The following DMD variants were observed in gnomAD, a reference collection of about 807,000 sequenced individuals.
DMD encodes dystrophin.
In DMD, 63 loss-of-function variants were observed where a neutral mutation model predicts 330.1. The ratio of observed to expected loss-of-function variants is 0.19; its 90% confidence interval spans 0.16 to 0.24. The LOEUF (loss-of-function observed/expected upper bound fraction) is 0.24. Ranked by LOEUF, DMD falls within the 10% of genes least tolerant of loss-of-function variation. The pLI is 1.00. For missense variants in DMD, 3,344 were observed against 2,684.1 expected (o/e 1.25, Z -5.43); for synonymous variants, 1,223 against 959.8 (o/e 1.27, Z -5.07).
chrX:33,134,447 C>A (rs1335822697), intron 1 of DMD, among the ~76,000 whole-genome samples: 1 of 112,111 alleles, frequency 8.9e-6, no homozygotes, highest in Non-Finnish European at 1.9e-5. Context: ...AGACATACTG[C>A]AGAAGATCCA....
chrX:32,589,604 T>G (rs1053034000), intron 13 of DMD, among the ~76,000 whole-genome samples: 1 of 111,343 alleles, frequency 9.0e-6, no homozygotes, highest in Non-Finnish European at 1.9e-5. Context: ...ATATTTACAT[T>G]TATATCTATA....
intron 17 of DMD, among the ~76,000 whole-genome samples, chrX:32,525,355 G>A (rs1340632700): frequency 9.0e-6 from 1 of 111,192 alleles, no homozygotes; most frequent in Non-Finnish European, 1.9e-5. Flanking sequence ...TCTGCCAGTG[G>A]ATAGCCTCAT....
intron 51 of DMD, among the ~76,000 whole-genome samples, chrX:31,764,016 C>T (rs994595714): frequency 1.8e-5 from 2 of 110,921 alleles, no homozygotes; most frequent in African/African-American, 6.6e-5. Flanking sequence ...GCTAAGGCTA[C>T]AAGCCCACAC....
intron 9 of DMD, among the ~76,000 whole-genome samples, chrX:32,681,535 A>G (rs939823656): frequency 8.9e-6 from 1 of 111,903 alleles, no homozygotes; most frequent in Non-Finnish European, 1.9e-5. Flanking sequence ...AGCAGGGTTT[A>G]TATTGCAGGA....
At chrX:32,225,645 A>G (rs2097145311) in intron 43 of DMD, among the ~76,000 whole-genome samples, 1 of 111,048 alleles carries the variant, frequency 9.0e-6, no homozygotes, top group South Asian at 3.9e-4. Context: ...GTTTAATACC[A>G]TCCTCTTGGT....
chrX:31,601,590 C>A (rs1377856989), intron 55 of DMD, among the ~76,000 whole-genome samples: 2 of 111,553 alleles, frequency 1.8e-5, no homozygotes, highest in Non-Finnish European at 3.8e-5. Flanking sequence ...TTACAAATCT[C>A]CTTTGTCTCT....
chrX:32,341,190 G>C (rs1450161457), intron 41 of DMD, among the ~76,000 whole-genome samples: 2 of 111,651 alleles, frequency 1.8e-5, no homozygotes, highest in Non-Finnish European at 3.8e-5. Context: ...TTGAGTATCT[G>C]TTTGATTCAT....
chrX:32,497,794 C>T (rs2148668130), intron 19 of DMD, among the ~76,000 whole-genome samples: 1 of 111,076 alleles, frequency 9.0e-6, no homozygotes, highest in African/African-American at 3.3e-5. Context: ...CCTAGGTTGT[C>T]CTAAAACTCC....
intron 62 of DMD, among the ~76,000 whole-genome samples, chrX:31,298,769 G>A (rs1047247114): frequency 1.8e-5 from 2 of 111,740 alleles, no homozygotes; most frequent in African/African-American, 6.5e-5. Context: ...GGTCAGACGT[G>A]TACAGCTGGA....
intron 50 of DMD, among the ~76,000 whole-genome samples, chrX:31,806,668 A>G (rs1175598336): frequency 8.9e-6 from 1 of 112,308 alleles, no homozygotes; most frequent in Admixed American, 9.4e-5. Context: ...CTGCCCACGC[A>G]GGTCTATCCA....
intron 37 of DMD, among the ~76,000 whole-genome samples, chrX:32,359,701 C>T (rs763013670): frequency 5.4e-5 from 6 of 110,960 alleles, no homozygotes; most frequent in East Asian, 2.8e-4. Flanking sequence ...AATTTTAGAA[C>T]GAGCAGGGAT....
chrX:32,875,148 G>A (rs1433382157), intron 2 of DMD, among the ~76,000 whole-genome samples: 1 of 112,377 alleles, frequency 8.9e-6, no homozygotes, highest in Non-Finnish European at 1.9e-5. Flanking sequence ...CCTCTGGAAT[G>A]GAGGCTCTGC....
intron 44 of DMD, among the ~76,000 whole-genome samples, chrX:32,057,870 C>A (rs1488711989): frequency 9.0e-6 from 1 of 110,825 alleles, no homozygotes; most frequent in African/African-American, 3.3e-5. Context: ...CAAGAGCGCA[C>A]GATAGTGTCA....
At chrX:32,780,865 G>A (rs1452721315) in intron 7 of DMD, among the ~76,000 whole-genome samples, 1 of 109,151 alleles carries the variant, frequency 9.2e-6, no homozygotes, top group Admixed American at 9.9e-5. Context: ...GCCGAGGCGG[G>A]CAGATCACGA....
intron 45 of DMD, among the ~76,000 whole-genome samples, chrX:31,943,986 C>T (rs1414485056): frequency 2.8e-5 from 3 of 106,423 alleles, no homozygotes; most frequent in Non-Finnish European, 5.8e-5. Context: ...AGGGTATTTC[C>T]GTTTCACTTA....
intron 74 of DMD, among the ~76,000 whole-genome samples, chrX:31,152,533 T>C (rs1013605285): frequency 2.6e-5 from 1 of 38,042 alleles, no homozygotes; most frequent in African/African-American, 1.1e-4. Flanking sequence ...CTAGAATTAA[T>C]TCATCTTTTT....
intron 45 of DMD, among the ~76,000 whole-genome samples, chrX:31,949,622 C>T (rs985165359): frequency 2.7e-5 from 3 of 110,889 alleles, no homozygotes; most frequent in East Asian, 2.8e-4. Context: ...GTGGATGCCT[C>T]GGATTCCTAT....
intron 7 of DMD, among the ~76,000 whole-genome samples, chrX:32,767,435 T>G (rs2073117215): frequency 1.8e-5 from 2 of 111,902 alleles, no homozygotes; most frequent in Admixed American, 9.5e-5. Flanking sequence ...CTTCATTTGT[T>G]AAGACTGTAA....
In DMD at chrX:33,311,127, A is replaced by G. The variant is rs1395769907; in HGVS notation, c.7+28132T>C. Among the ~76,000 whole-genome samples, 3 of 110,280 alleles carry G rather than the reference A, an allele frequency of 2.7e-5. No individual in the cohort carries two copies. In the South Asian group the frequency reaches 1.1e-3, roughly 41 times the overall value. The stretch of plus-strand genomic sequence containing the variant: ...ATAATTCATGCATATATATGCATAT[A>G]TACATACATACTTCATACTGTATAT... On this transcript the variant is annotated intron_variant, in intron 1 of 17. Coordinates refer to the DMD transcript ENST00000288447.
Sources: allele counts gnomAD v4.1 joint callset (sites outside exome capture counted in the v4.1 genomes callset), GRCh38; gene constraint gnomAD v4.1.1; transcripts MANE v1.5; gene names NCBI Gene and HGNC (gene_info 2026-07-23, HGNC 2026-07-21).